XIRP2: variants seen among roughly 807,000 people sequenced by gnomAD.
XIRP2 encodes the protein xin actin binding repeat containing 2, also known as xin actin-binding repeat-containing protein 2.
Under a neutral mutation model 277.0 loss-of-function variants are expected in XIRP2, and 236 were observed. The observed-to-expected ratio is 0.85, with a 90% CI of 0.77 to 0.95. The LOEUF is 0.95. Ranked by LOEUF, XIRP2 falls within the 40% of genes least tolerant of loss-of-function variation. XIRP2 has a pLI of 0.00. For missense variants in XIRP2, 4,640 were observed against 4,157.5 expected (o/e 1.12, Z -3.19); for synonymous variants, 1,490 against 1,416.5 (o/e 1.05, Z -1.17).
Position 167,245,268 on chromosome 2 carries a change from C to T in XIRP2, c.3876C>T (p.Asp1292=). The T allele has an allele frequency of 1.9e-6, 3 of 1,613,470 alleles. No individual in the cohort carries two copies. The South Asian group carries it at 3.3e-5, about 18-fold the overall frequency. The change falls in exon 9 of 11, where the codon GAC becomes GAT. Residue 1292 remains aspartate (D), a synonymous_variant. Coordinates refer to ENST00000409195, the MANE Select transcript of XIRP2 (RefSeq NM_152381.6). ...TAGATGAGATTAAAGAAGAATCTGA[C>T]TATATCAGCACCAAGAAAACAATTA... is the stretch of plus-strand genomic sequence containing the variant. ...FSLDEIKEES[D]YISTKKTITE... is the part of the protein sequence containing the mutation.
intron 3 of XIRP2, among the ~76,000 whole-genome samples, chr2:167,205,528 G>T (rs893994142): frequency 6.6e-6 from 1 of 152,066 alleles, no homozygotes; most frequent in African/African-American, 2.4e-5. Context: ...TAATTAGCAT[G>T]TAGTGGTCAA....
chr2:167,248,032 C>T lies in XIRP2; in HGVS notation c.6640C>T (p.Pro2214Ser), dbSNP rs760395652. ...INLQPMWQLL[P>S]VEQDTSNVTE... ...CCTTCAACCAATGTGGCAGCTTTTG[C>T]CTGTAGAGCAAGACACATCCAATGT... is the stretch of plus-strand genomic sequence containing the variant. Residue 2214 changes from proline (P) to serine (S), a missense_variant, in exon 9 of 11, where the codon CCT becomes TCT. Physicochemically the swap from Pro to Ser is moderately conservative, Grantham distance 74 (BLOSUM62 -1). Transcript: ENST00000409195. 4 of 1,613,418 alleles carry T rather than the reference C, an allele frequency of 2.5e-6. No homozygotes were observed. The highest frequency in any genetic ancestry group is 1.7e-5 in the Admixed American group (1 of 59,936).
rs966853816 is a variant in XIRP2 at position 167,251,572 on chromosome 2, C to G, written c.10180C>G (p.Pro3394Ala). 3 of 1,613,438 alleles carry G rather than the reference C, an allele frequency of 1.9e-6. No individual in the cohort carries two copies. The African/African-American group carries it at 4.0e-5, about 22-fold the overall frequency. ...TTTTACAGACTTTTCTTGCAAACAT[C>G]CTAGAGAACTGCGAGAAAAGATTCC... ...TSFTDFSCKH[P>A]RELREKIPVK... is the part of the protein sequence containing the mutation. Residue 3394 changes from proline to alanine, a missense_variant, in exon 9 of 11, where the codon CCT becomes GCT. Pro to Ala is a conservative substitution (Grantham distance 27). Coordinates refer to ENST00000409195, the MANE Select transcript of XIRP2 (RefSeq NM_152381.6).
At chr2:167,010,183 T>C (rs1687627302) in intron 2 of XIRP2, among the ~76,000 whole-genome samples, 1 of 152,314 alleles carries the variant, frequency 6.6e-6, no homozygotes, top group Admixed American at 6.5e-5. Context: ...GGTTTTCTTC[T>C]AGGGTATTTA....
intron 2 of XIRP2, among the ~76,000 whole-genome samples, chr2:167,127,714 C>G (rs888884556): frequency 6.6e-6 from 1 of 152,158 alleles, no homozygotes; most frequent in Non-Finnish European, 1.5e-5. Context: ...AGGGGAAGCT[C>G]AAACTCAACA....
chr2:167,031,213 G>A (rs189228125), intron 2 of XIRP2, among the ~76,000 whole-genome samples: 4 of 152,172 alleles, frequency 2.6e-5, no homozygotes, highest in Non-Finnish European at 4.4e-5. Flanking sequence ...ACACTGTTAT[G>A]TGTGAATTTG....
At chr2:167,172,062 T>C (rs112195900) in intron 3 of XIRP2, among the ~76,000 whole-genome samples, 15,034 of 152,198 alleles carry the variant, frequency 0.099, 801 homozygotes, top group South Asian at 0.16. Context: ...GATAATTCAA[T>C]GTGAGTCCTT....
chr2:167,134,781 A>C (rs1452785361), intron 2 of XIRP2, among the ~76,000 whole-genome samples: 1 of 152,226 alleles, frequency 6.6e-6, no homozygotes, highest in Admixed American at 6.5e-5. Context: ...CTATGCTGTA[A>C]TAAAAGTTAA....
chr2:167,031,852 C>T (rs545851898), intron 2 of XIRP2, among the ~76,000 whole-genome samples: 75 of 152,164 alleles, frequency 4.9e-4, no homozygotes, highest in African/African-American at 1.8e-3. Context: ...TAGGAACAAT[C>T]AATATCGTGA....
intron 2 of XIRP2, among the ~76,000 whole-genome samples, chr2:167,099,724 G>A (rs376479059): frequency 4.6e-5 from 7 of 152,032 alleles, no homozygotes; most frequent in African/African-American, 7.2e-5. Flanking sequence ...CATCCCTCAC[G>A]GCAGGGTCCC....
intron 2 of XIRP2, among the ~76,000 whole-genome samples, chr2:167,092,511 C>T (rs1164536740): frequency 6.6e-6 from 1 of 151,962 alleles, no homozygotes; most frequent in African/African-American, 2.4e-5. Context: ...GTATTTTTTT[C>T]TGGGTGGCAC....
At chr2:167,101,870 A>G (rs920095047) in intron 2 of XIRP2, among the ~76,000 whole-genome samples, 1 of 152,206 alleles carries the variant, frequency 6.6e-6, no homozygotes. Context: ...AAATATTAAT[A>G]TATAGGATAT....
At chr2:167,187,034 T>G (rs1161161730) in intron 3 of XIRP2, among the ~76,000 whole-genome samples, 1 of 152,150 alleles carries the variant, frequency 6.6e-6, no homozygotes, top group Non-Finnish European at 1.5e-5. Context: ...TCTTGACTCT[T>G]AAAAGATTGA....
At chr2:167,229,524 C>T (rs1694695515) in intron 5 of XIRP2, among the ~76,000 whole-genome samples, 1 of 152,034 alleles carries the variant, frequency 6.6e-6, no homozygotes. Flanking sequence ...AATGCTTTTT[C>T]CACGTAGTTA....
intron 2 of XIRP2, among the ~76,000 whole-genome samples, chr2:166,966,830 A>G (rs999763176): frequency 2.0e-5 from 3 of 152,044 alleles, no homozygotes; most frequent in African/African-American, 7.2e-5. Flanking sequence ...TACAGCTTGC[A>G]TAGAGTCTAA....
Position 167,212,262 on chromosome 2 carries a change from T to A in XIRP2, c.723+1367T>A, listed in dbSNP as rs535141228. On this transcript the variant is annotated intron_variant, in intron 4 of 10. Coordinates refer to ENST00000409195, the MANE Select transcript of XIRP2 (RefSeq NM_152381.6). Reference sequence around the variant, plus strand: ...TTCGATGGCACCCCCTACTGGATCATTGAGGAACTTATTCGTGTTCTAAAT... The same window carrying A: ...TTCGATGGCACCCCCTACTGGATCAATGAGGAACTTATTCGTGTTCTAAAT... 4.6e-5 allele frequency among the ~76,000 whole-genome samples: 7 copies of A among 152,288 alleles called. No individual in the cohort carries two copies. In the South Asian group the frequency reaches 1.4e-3, roughly 32 times the overall value.
chr2:166,895,215 A>G (rs1035435327), intron 1 of XIRP2, among the ~76,000 whole-genome samples: 1 of 152,186 alleles, frequency 6.6e-6, no homozygotes, highest in Non-Finnish European at 1.5e-5. Context: ...CATATGTGAC[A>G]CTGCAAAACA....
chr2:167,259,390 A>T lies in XIRP2; in HGVS notation c.*1573A>T. On this transcript the variant is annotated 3_prime_UTR_variant, in exon 11 of 11. Coordinates refer to ENST00000409195, the MANE Select transcript of XIRP2 (RefSeq NM_152381.6). The stretch of plus-strand genomic sequence containing the variant: ...ATATCTATGGCCACTGACAGTCCAC[A>T]CTTAGGCACTGAGAGATATTGATGT... 6.4e-7 allele frequency: 1 copy of T among 1,551,916 alleles called. No homozygotes were observed. The highest frequency in any genetic ancestry group is 8.7e-7 in the Non-Finnish European group (1 of 1,151,820).
chr2:167,008,023 T>C (rs1490750201), intron 2 of XIRP2, among the ~76,000 whole-genome samples: 4 of 151,544 alleles, frequency 2.6e-5, no homozygotes, highest in African/African-American at 7.3e-5. Context: ...AGTTATGTAT[T>C]TCTGTTTGTC....
Sources: allele counts gnomAD v4.1 joint callset (sites outside exome capture counted in the v4.1 genomes callset), GRCh38; gene constraint gnomAD v4.1.1; transcripts MANE v1.5; gene names NCBI Gene and HGNC (gene_info 2026-07-23, HGNC 2026-07-21).